ABTB2: variants seen among roughly 807,000 people sequenced by gnomAD.
ABTB2 encodes the protein ankyrin repeat and BTB/POZ domain-containing protein 2.
A neutral mutation model predicts 104.1 loss-of-function variants in ABTB2; 56 were observed. The ratio of observed to expected loss-of-function variants is 0.54; its 90% CI spans 0.43 to 0.67. The LOEUF is 0.67. ABTB2 is among the 30% of genes least tolerant of loss of function. The pLI is 0.00. For missense variants in ABTB2, 1,279 were observed against 1,407.7 expected (o/e 0.91, Z 1.46); for synonymous variants, 606 against 608.2 (o/e 1.00, Z 0.05).
intron 1 of ABTB2, among the ~76,000 whole-genome samples, chr11:34,238,825 C>T (rs1853877639): frequency 6.6e-6 from 1 of 152,176 alleles, no homozygotes; most frequent in African/African-American, 2.4e-5. Flanking sequence ...GCAATCTCGG[C>T]TCACTGCAAC....
At chr11:34,179,454 C>T (rs568892235) in intron 3 of ABTB2, among the ~76,000 whole-genome samples, 16 of 152,150 alleles carry the variant, frequency 1.1e-4, no homozygotes, top group South Asian at 2.1e-4. Flanking sequence ...GGCTGGCAGG[C>T]GGCGCTGGCA....
chr11:34,279,778 T>TTTC lies in ABTB2; in HGVS notation c.884-75091_884-75089dup, dbSNP rs936235490. Among the ~76,000 whole-genome samples, 81 of 146,002 alleles carry TTTC rather than the reference T, an allele frequency of 5.5e-4. 1 individual carries two copies. Among genetic ancestry groups the TTTC allele is most frequent in the Middle Eastern group, 3.5e-3 (1 of 286 alleles). ...GACTATTCTAAATGCTTTTCTTTTC[T>TTTC]TTCTTCTTCTTTTTTTTTTTTTTTT... On this transcript the variant is annotated intron_variant, in intron 1 of 16. Transcript: ENST00000435224.
At chr11:34,298,099 T>A (rs1374088029) in intron 1 of ABTB2, among the ~76,000 whole-genome samples, 24 of 151,588 alleles carry the variant, frequency 1.6e-4, no homozygotes, top group African/African-American at 5.6e-4. Flanking sequence ...TTTTTTTTTT[T>A]TAAATAAATT....
intron 1 of ABTB2, among the ~76,000 whole-genome samples, chr11:34,322,131 G>T (rs1280105271): frequency 6.6e-6 from 1 of 152,182 alleles, no homozygotes; most frequent in Non-Finnish European, 1.5e-5. Context: ...GGCCAGAAAG[G>T]CACGCAAAAC....
intron 1 of ABTB2, among the ~76,000 whole-genome samples, chr11:34,261,533 C>A (rs1283811213): frequency 6.7e-6 from 1 of 148,344 alleles, no homozygotes; most frequent in Non-Finnish European, 1.5e-5. Flanking sequence ...TCTGAGGAAA[C>A]AAGGGGGTGA....
intron 1 of ABTB2, among the ~76,000 whole-genome samples, chr11:34,240,841 C>T (rs1210028383): frequency 1.3e-5 from 2 of 152,188 alleles, no homozygotes; most frequent in African/African-American, 2.4e-5. Flanking sequence ...ATGATCCGCC[C>T]GCCTTGGCCT....
At chr11:34,312,398 C>T (rs1472806072) in intron 1 of ABTB2, among the ~76,000 whole-genome samples, 3 of 152,012 alleles carry the variant, frequency 2.0e-5, no homozygotes, top group East Asian at 1.9e-4. Flanking sequence ...CACTATAAAC[C>T]GGGGGTGGTG....
chr11:34,296,367 T>C (rs139666217), intron 1 of ABTB2, among the ~76,000 whole-genome samples: 7 of 152,028 alleles, frequency 4.6e-5, no homozygotes, highest in African/African-American at 1.4e-4. Flanking sequence ...CAGTGGAAGA[T>C]CCTACTAGAG....
chr11:34,341,355 T>C (rs1309030492), intron 1 of ABTB2, among the ~76,000 whole-genome samples: 1 of 152,164 alleles, frequency 6.6e-6, no homozygotes, highest in Admixed American at 6.5e-5. Flanking sequence ...TCCATTTCCA[T>C]GAATCTTCTT....
intron 3 of ABTB2, among the ~76,000 whole-genome samples, chr11:34,174,417 T>C (rs1852935204): frequency 6.6e-6 from 1 of 150,490 alleles, no homozygotes. Flanking sequence ...CGAGTATCAC[T>C]AAGAGCCCAC....
chr11:34,168,235 G>T (rs1852828977), intron 5 of ABTB2, among the ~76,000 whole-genome samples: 1 of 152,228 alleles, frequency 6.6e-6, no homozygotes, highest in South Asian at 2.1e-4. Context: ...GTGCAGCCAG[G>T]CTCGGTGCCA....
At chr11:34,201,604 C>T (rs1853339873) in intron 2 of ABTB2, among the ~76,000 whole-genome samples, 1 of 152,144 alleles carries the variant, frequency 6.6e-6, no homozygotes, top group East Asian at 1.9e-4. Context: ...TGCATGTAAA[C>T]TCAGGGTACA....
intron 1 of ABTB2, among the ~76,000 whole-genome samples, chr11:34,310,744 G>T (rs562654506): frequency 1.7e-4 from 26 of 152,104 alleles, no homozygotes; most frequent in Non-Finnish European, 3.2e-4. Flanking sequence ...AAGGAACATG[G>T]CTCTCCTCCG....
intron 9 of ABTB2, 28 bp downstream of exon 9, chr11:34,164,658 A>T (rs1256390515): frequency 6.8e-7 from 1 of 1,467,086 alleles, no homozygotes; most frequent in East Asian, 2.7e-5. Flanking sequence ...CCCTCATGTC[A>T]CACAGGGTGG....
intron 1 of ABTB2, among the ~76,000 whole-genome samples, chr11:34,248,695 T>C (rs533346104): frequency 6.6e-6 from 1 of 152,206 alleles, no homozygotes; most frequent in Non-Finnish European, 1.5e-5. Flanking sequence ...AGTTCACAAG[T>C]GTGGTTTTCA....
intron 1 of ABTB2, among the ~76,000 whole-genome samples, chr11:34,259,612 CT>C (rs1299848654): frequency 6.6e-6 from 1 of 152,178 alleles, no homozygotes; most frequent in East Asian, 1.9e-4. Flanking sequence ...ATCACTGTCT[CT>C]TTCTCTCCCT....
At chr11:34,340,131 A>AGG (rs1239520453) in intron 1 of ABTB2, among the ~76,000 whole-genome samples, 2 of 152,248 alleles carry the variant, frequency 1.3e-5, no homozygotes, top group Non-Finnish European at 2.9e-5. Context: ...AAGACCACAC[A>AGG]GAGTCCATAA....
chr11:34,256,803 C>A (rs560064647), intron 1 of ABTB2, among the ~76,000 whole-genome samples: 1 of 152,282 alleles, frequency 6.6e-6, no homozygotes, highest in South Asian at 2.1e-4. Flanking sequence ...AGGGGACGGA[C>A]GGAGAGCCAC....
chr11:34,154,687 C>A lies in ABTB2; in HGVS notation c.2766+14G>T. 6.2e-7 allele frequency: 1 copy of A among 1,613,940 alleles called. No individual in the cohort carries two copies. Among genetic ancestry groups the A allele is most frequent in the Non-Finnish European group, 8.5e-7 (1 of 1,179,846 alleles). ...ACCCTAGCCCAGGCCCCCTCCCCCT[C>A]TCCCGAGTCTCACCTCCAGGATGTC... On this transcript the variant is annotated intron_variant, in intron 15 of 16. Coordinates refer to ENST00000435224, the MANE Select transcript of ABTB2 (RefSeq NM_145804.3). This position sits in a 1 kb window ranked among gnomAD's most constrained non-coding sequence, Gnocchi z 4.9.
Sources: allele counts gnomAD v4.1 joint callset (sites outside exome capture counted in the v4.1 genomes callset), GRCh38; gene constraint gnomAD v4.1.1; non-coding constraint Gnocchi (gnomAD v3.1); transcripts MANE v1.5; gene names NCBI Gene and HGNC (gene_info 2026-07-23, HGNC 2026-07-21).